GAB4: variants seen among roughly 807,000 people sequenced by gnomAD.
The protein encoded by GAB4 is GRB2-associated-binding protein 4.
GAB4 carries 26 observed loss-of-function variants against 51.3 expected under a neutral mutation model. That is an observed-to-expected ratio of 0.51 (90% CI 0.37 to 0.70). GAB4 has a LOEUF of 0.70. Among genes scored for constraint, GAB4 ranks in the 30% least tolerant of loss-of-function variants. The pLI is 0.00. For synonymous variants in GAB4, 329 were observed against 291.2 expected (o/e 1.13, Z -1.32); for missense variants, 759 against 734.6 (o/e 1.03, Z -0.38).
chr22:16,977,348 C>CAAAA (rs201592274), intron 3 of GAB4, among the ~76,000 whole-genome samples: 2 of 112,374 alleles, frequency 1.8e-5, no homozygotes, highest in African/African-American at 6.5e-5. Context: ...AAATGGAAAG[C>CAAAA]AAAAAAAAAA....
At chr22:16,993,863 T>A (rs1386057168) in intron 1 of GAB4, among the ~76,000 whole-genome samples, 1 of 152,160 alleles carries the variant, frequency 6.6e-6, no homozygotes, top group Non-Finnish European at 1.5e-5. Context: ...CTGCACCTGA[T>A]CCGCCTCCAC....
chr22:17,000,441 CAG>C (rs1163634805), intron 1 of GAB4, among the ~76,000 whole-genome samples: 6 of 152,048 alleles, frequency 3.9e-5, no homozygotes, highest in Non-Finnish European at 8.8e-5. Context: ...TCTGTTTTAT[CAG>C]AGACTAGGAT....
At chr22:16,993,865 C>T (rs1308205323) in intron 1 of GAB4, among the ~76,000 whole-genome samples, 1 of 152,130 alleles carries the variant, frequency 6.6e-6, no homozygotes, top group Non-Finnish European at 1.5e-5. Flanking sequence ...GCACCTGATC[C>T]GCCTCCACAC....
intron 4 of GAB4, 176 bp downstream of exon 4, chr22:16,969,767 G>A (rs1601251036): frequency 2.6e-6 from 2 of 772,746 alleles, no homozygotes; most frequent in African/African-American, 3.5e-5. Context: ...GCAGGGGAAG[G>A]GAGGCTATGG....
rs988310273 is a variant in GAB4 at position 16,968,213 on chromosome 22, T to C, written c.1023+85A>G. 13 of 952,046 alleles carry C rather than the reference T, an allele frequency of 1.4e-5. 1 individual carries two copies. The highest frequency in any genetic ancestry group is 2.1e-4 in the Middle Eastern group (1 of 4,784). 59.0% of individuals were successfully genotyped at this position (952,046 alleles called of 1,614,324 possible). On this transcript the variant is annotated intron_variant, in intron 5 of 9. Transcript: ENST00000400588. ...TCCTAGGAGGGAGATGCTGTCACCC[T>C]TTGGGGGATGTGCTTTTAGTTCCAT...
Position 16,980,885 on chromosome 22 carries a change from T to C in GAB4, c.686+7075A>G, listed in dbSNP as rs12628901. Among the ~76,000 whole-genome samples the C allele has an allele frequency of 4.1e-4, 62 of 152,242 alleles. 2 individuals are homozygous for C. The East Asian group carries it at 0.01, about 26-fold the overall frequency. On this transcript the variant is annotated intron_variant, in intron 3 of 9. Transcript: ENST00000400588. Reference sequence around the variant, plus strand: ...ACATGAATGAAGCTGGAAACCATCATTGTCAGCAAACTTACCCTAGAACCG... The same window carrying C: ...ACATGAATGAAGCTGGAAACCATCACTGTCAGCAAACTTACCCTAGAACCG...
intron 3 of GAB4, among the ~76,000 whole-genome samples, chr22:16,980,041 T>C (rs1388908549): frequency 2.6e-5 from 4 of 152,032 alleles, no homozygotes; most frequent in Non-Finnish European, 5.9e-5. Flanking sequence ...ACGTAAGACC[T>C]AAAACCACAA....
intron 3 of GAB4, among the ~76,000 whole-genome samples, chr22:16,983,687 G>A (rs1331702783): frequency 1.3e-5 from 2 of 152,148 alleles, no homozygotes; most frequent in African/African-American, 4.8e-5. Flanking sequence ...GATGCCAAGA[G>A]TATACACTGG....
chr22:17,006,104 T>C (rs2061038107), intron 1 of GAB4, among the ~76,000 whole-genome samples: 1 of 152,082 alleles, frequency 6.6e-6, no homozygotes, highest in South Asian at 2.1e-4. Flanking sequence ...ATGGCAGAAA[T>C]TTTTTCCAAT....
In GAB4 at chr22:16,963,772, T is replaced by G; in HGVS notation, c.1534A>C (p.Ser512Arg). The change falls in exon 9 of 10, where the codon AGC becomes CGC. Residue 512 changes from serine (S) to arginine (R), a missense_variant. Ser to Arg is a moderately radical substitution (Grantham distance 110). This residue lies in a region of GAB4 where 588 missense variants were observed against 510.2 expected (regional missense o/e 1.15). Transcript: ENST00000400588. ...GCCGCGTAGTGGATGTTACCAGTGCTCCTCGGCGGGGCTGAACTGCTGGTG... is the reference window on the plus strand; with the variant it reads ...GCCGCGTAGTGGATGTTACCAGTGCGCCTCGGCGGGGCTGAACTGCTGGTG... ...GGTSSSAPPR[S>R]TGNIHYAALD... The G allele has an allele frequency of 6.2e-7, 1 of 1,613,876 alleles. No homozygotes were observed. Among genetic ancestry groups the G allele is most frequent in the Non-Finnish European group, 8.5e-7 (1 of 1,179,982 alleles).
intron 2 of GAB4, among the ~76,000 whole-genome samples, chr22:16,990,059 T>C (rs984752492): frequency 2.0e-5 from 3 of 152,100 alleles, no homozygotes; most frequent in African/African-American, 2.4e-5. Context: ...CACTGCACTC[T>C]CTAAGCCAGA....
intron 4 of GAB4, chr22:16,969,684 C>G (rs2060712920): frequency 3.1e-6 from 2 of 650,824 alleles, no homozygotes; most frequent in Admixed American, 5.0e-5. Flanking sequence ...AACAGACCAC[C>G]TGCTACTTTC....
intron 3 of GAB4, 51 bp from the exon 4 acceptor site, chr22:16,970,244 G>GCC: frequency 2.5e-6 from 4 of 1,598,700 alleles, no homozygotes; most frequent in Non-Finnish European, 3.4e-6. Context: ...GGCCAGGACT[G>GCC]CCCCAGGGAG....
At chr22:17,006,463 C>T (rs1346893334) in intron 1 of GAB4, among the ~76,000 whole-genome samples, 1 of 152,170 alleles carries the variant, frequency 6.6e-6, no homozygotes, top group Non-Finnish European at 1.5e-5. Flanking sequence ...CCTCAAGGAT[C>T]AAGAACTAGA....
Position 16,965,176 on chromosome 22 carries a change from A to T in GAB4, c.1379+2T>A. The T allele has an allele frequency of 6.2e-7, 1 of 1,608,696 alleles. No individual in the cohort carries two copies. Among genetic ancestry groups the T allele is most frequent in the Non-Finnish European group, 8.5e-7 (1 of 1,176,308 alleles). On this transcript the variant is annotated splice_donor_variant, in intron 7 of 9. Coordinates refer to ENST00000400588, the MANE Select transcript of GAB4 (RefSeq NM_001037814.1). LOFTEE classifies it high-confidence loss of function. ...CTCCTGTTTCCACTGACAGACACTCACCTGGTCCCAGACCAGGGCTCTGTG... is the reference window on the plus strand; with the variant it reads ...CTCCTGTTTCCACTGACAGACACTCTCCTGGTCCCAGACCAGGGCTCTGTG...
intron 1 of GAB4, among the ~76,000 whole-genome samples, chr22:16,995,926 A>C (rs2060946189): frequency 6.6e-6 from 1 of 152,126 alleles, no homozygotes; most frequent in Non-Finnish European, 1.5e-5. Context: ...ACTCCTTGCC[A>C]GCAAGAGAAC....
rs374896102 is a variant in GAB4, at chr22:16,970,174, C to G, written c.706G>C (p.Gly236Arg). 120 of 1,614,050 alleles carry G rather than the reference C, an allele frequency of 7.4e-5. 1 individual carries two copies. The Middle Eastern group carries it at 3.1e-3, about 42-fold the overall frequency. ...CTCATGATGAATGGGGCCTCAGAACCCTGGGAGAAGCTGGCACTCCTAAGA... is the reference window on the plus strand; with the variant it reads ...CTCATGATGAATGGGGCCTCAGAACGCTGGGAGAAGCTGGCACTCCTAAGA... ...EHARSASFSQGSEAPFIMRRN... is the reference protein window; with the variant it reads ...EHARSASFSQRSEAPFIMRRN... The change falls in exon 4 of 10, where the codon GGT (glycine) becomes CGT (arginine). Residue 236 changes from glycine (G) to arginine (R), a missense_variant. Coordinates refer to ENST00000400588, the MANE Select transcript of GAB4 (RefSeq NM_001037814.1).
rs1419821329 is a variant in GAB4 at position 16,962,671 on chromosome 22, A to T, written c.*62T>A. The T allele has an allele frequency of 6.7e-7, 1 of 1,482,822 alleles. No homozygotes were observed. Among genetic ancestry groups the T allele is most frequent in the Non-Finnish European group, 9.2e-7 (1 of 1,087,938 alleles). The allele number at this position is 1,482,822 out of a possible 1,614,324, so 91.9% of individuals were successfully genotyped here. On this transcript the variant is annotated 3_prime_UTR_variant, in exon 10 of 10. Coordinates refer to ENST00000400588, the MANE Select transcript of GAB4 (RefSeq NM_001037814.1). ...GCGGTCCCTGATATTACAGAGCTTT[A>T]GAGTGTGGCGGAGCAGCTCTGAGGC...
intron 1 of GAB4, among the ~76,000 whole-genome samples, chr22:17,006,309 C>A (rs2061039480): frequency 6.6e-6 from 1 of 152,080 alleles, no homozygotes; most frequent in South Asian, 2.1e-4. Flanking sequence ...CAACGAGATA[C>A]CATCTCACGC....
Sources: allele counts gnomAD v4.1 joint callset (sites outside exome capture counted in the v4.1 genomes callset), GRCh38; gene constraint gnomAD v4.1.1; regional missense constraint gnomAD v4.1.1; transcripts MANE v1.5; gene names NCBI Gene and HGNC (gene_info 2026-07-23, HGNC 2026-07-21).